NUP54: variants seen among roughly 807,000 people sequenced by gnomAD.
NUP54 encodes the protein nucleoporin p54.
Under a neutral mutation model 66.4 loss-of-function variants are expected in NUP54, and 27 were observed. The observed-to-expected ratio is 0.41, with a 90% CI of 0.30 to 0.56. The LOEUF is 0.56. Ranked by LOEUF, NUP54 falls within the 20% of genes least tolerant of loss-of-function variation. The pLI, the probability that NUP54 is intolerant of heterozygous loss-of-function variation, is 0.34. For synonymous variants in NUP54, 206 were observed against 210.7 expected (o/e 0.98, Z 0.19); for missense variants, 486 against 596.3 (o/e 0.82, Z 1.93).
At chr4:76,144,010 A>G (rs1731376836) in intron 3 of NUP54, 139 bp downstream of exon 3, 1 of 876,426 alleles carries the variant, frequency 1.1e-6, no homozygotes, top group Non-Finnish European at 1.7e-6. Flanking sequence ...ATATTTAAAC[A>G]TGAAAAGTAA....
intron 9 of NUP54, among the ~76,000 whole-genome samples, chr4:76,121,143 T>A (rs909261564): frequency 6.6e-6 from 1 of 152,200 alleles, no homozygotes; most frequent in Non-Finnish European, 1.5e-5. Context: ...TACAATGCAA[T>A]GGTCTAATTT....
intron 8 of NUP54, among the ~76,000 whole-genome samples, chr4:76,129,355 T>C (rs938524075): frequency 6.6e-6 from 1 of 152,094 alleles, no homozygotes; most frequent in African/African-American, 2.4e-5. Flanking sequence ...TATTAATACA[T>C]GAAGCAAAAA....
chr4:76,139,332 T>A (rs1229752318), intron 3 of NUP54, among the ~76,000 whole-genome samples: 2 of 152,204 alleles, frequency 1.3e-5, no homozygotes, highest in African/African-American at 2.4e-5. Flanking sequence ...CGTGACGTGA[T>A]ATGAAGCACA....
chr4:76,137,360 C>G (rs1731080571), intron 3 of NUP54, among the ~76,000 whole-genome samples: 1 of 151,912 alleles, frequency 6.6e-6, no homozygotes. Flanking sequence ...AATATTAAAC[C>G]TACACATGAA....
intron 1 of NUP54, chr4:76,147,955 A>T: frequency 3.1e-6 from 1 of 324,298 alleles, no homozygotes; most frequent in Non-Finnish European, 5.8e-6. Flanking sequence ...GTTCCCGCCC[A>T]TCCAGGAGGC....
In NUP54 at chr4:76,115,594, C is replaced by A. The variant is rs1015882015; in HGVS notation, c.1396-100G>T. The stretch of plus-strand genomic sequence containing the variant: ...TCCACTTTGACTATTTTACTAGCAA[C>A]ACAGTACCTAGTAAGTGCTCTAAAT... On this transcript the variant is annotated intron_variant, in intron 11 of 11. Transcript: ENST00000264883. The A allele has an allele frequency of 1.1e-5, 9 of 818,678 alleles. No individual in the cohort carries two copies. The Admixed American group carries it at 3.1e-4, about 28-fold the overall frequency. The allele number at this position is 818,678 out of a possible 1,614,324, so 50.7% of individuals were successfully genotyped here. A position where few individuals can be genotyped will look rare whatever the true frequency, so the allele number is the denominator to read the frequency against.
intron 8 of NUP54, 68 bp downstream of exon 8, chr4:76,130,588 A>G: frequency 1.9e-6 from 2 of 1,050,846 alleles, no homozygotes; most frequent in South Asian, 1.3e-5. Context: ...CATATACTAA[A>G]AAGAATTAAA....
chr4:76,135,330 T>C (rs1488062995), intron 4 of NUP54, among the ~76,000 whole-genome samples: 1 of 152,220 alleles, frequency 6.6e-6, no homozygotes, highest in African/African-American at 2.4e-5. Flanking sequence ...AAAAAGAATT[T>C]AAATTAACTC....
intron 1 of NUP54, among the ~76,000 whole-genome samples, chr4:76,144,746 G>C (rs1380252020): frequency 6.6e-6 from 1 of 152,142 alleles, no homozygotes; most frequent in African/African-American, 2.4e-5. Flanking sequence ...TTACAGCTGA[G>C]AAAACACATT....
At chr4:76,126,772 T>C (rs1431696892) in intron 8 of NUP54, among the ~76,000 whole-genome samples, 1 of 152,214 alleles carries the variant, frequency 6.6e-6, no homozygotes, top group African/African-American at 2.4e-5. Flanking sequence ...ACCACATTCA[T>C]GGATGAAATG....
intron 7 of NUP54, among the ~76,000 whole-genome samples, 180 bp downstream of exon 7, chr4:76,131,050 T>C (rs984463149): frequency 6.6e-6 from 1 of 152,144 alleles, no homozygotes. Context: ...TTTTTTTTCT[T>C]ATTTTTTTCT....
At chr4:76,131,168 A>G in intron 7 of NUP54, 62 bp downstream of exon 7, 1 of 962,054 alleles carries the variant, frequency 1.0e-6, no homozygotes, top group Non-Finnish European at 1.6e-6. Context: ...AATAGCTCCC[A>G]TGTTTGCTTT....
chr4:76,147,753 A>C (rs564732573), intron 1 of NUP54: 1 of 821,358 alleles, frequency 1.2e-6, no homozygotes, highest in Admixed American at 3.4e-5. Flanking sequence ...GAAGTGAACA[A>C]ACCTGGTTTT....
chr4:76,124,855 G>T, intron 8 of NUP54, 99 bp from the exon 9 acceptor site: 1 of 539,598 alleles, frequency 1.9e-6, no homozygotes, highest in Non-Finnish European at 3.3e-6. Context: ...ATAAGCCTGA[G>T]ATTCATCTCT....
At chr4:76,120,795 A>T (rs1284002890) in intron 9 of NUP54, among the ~76,000 whole-genome samples, 1 of 152,202 alleles carries the variant, frequency 6.6e-6, no homozygotes, top group Non-Finnish European at 1.5e-5. Flanking sequence ...CCATCTTTTA[A>T]TGACTAAGAA....
intron 8 of NUP54, among the ~76,000 whole-genome samples, chr4:76,125,880 G>C (rs1215271880): frequency 1.3e-5 from 2 of 149,502 alleles, no homozygotes; most frequent in African/African-American, 4.9e-5. Flanking sequence ...GAGAGAGACA[G>C]AGAGAGAGGG....
chr4:76,138,584 C>T (rs1578690121), intron 3 of NUP54, among the ~76,000 whole-genome samples: 1 of 152,136 alleles, frequency 6.6e-6, no homozygotes. Context: ...ACACATCAAA[C>T]AAATATTAAC....
chr4:76,133,373 T>C (rs1031351720), intron 5 of NUP54, among the ~76,000 whole-genome samples: 3 of 152,008 alleles, frequency 2.0e-5, no homozygotes, highest in African/African-American at 7.3e-5. Flanking sequence ...TGGCTCAATC[T>C]TGGCTCACTG....
chr4:76,133,466 C>T (rs1450438510), intron 5 of NUP54, among the ~76,000 whole-genome samples: 3 of 151,910 alleles, frequency 2.0e-5, no homozygotes, highest in Non-Finnish European at 4.4e-5. Flanking sequence ...CCACCACGCC[C>T]GGCTGATTTT....
Sources: gnomAD v4.1 joint callset for allele counts (sites outside exome capture counted in the v4.1 genomes callset) on GRCh38, gnomAD v4.1.1 for gene constraint, MANE v1.5 for transcripts, NCBI Gene and HGNC (gene_info 2026-07-23, HGNC 2026-07-21) for gene names.